The following PTPRT variants were observed in gnomAD, a reference collection of about 807,000 sequenced individuals.
PTPRT encodes receptor-type tyrosine-protein phosphatase T.
In PTPRT, 56 loss-of-function variants were observed where a neutral mutation model predicts 176.8. That is an observed-to-expected ratio of 0.32 (90% CI 0.26 to 0.40). The LOEUF is 0.40. PTPRT is among the 10% of genes least tolerant of loss of function. The probability of loss-of-function intolerance (pLI) is 1.00; values close to 1 mark genes in which losing one functional copy is unlikely to be tolerated. For synonymous variants in PTPRT, 783 were observed against 739.0 expected (o/e 1.06, Z -0.96); for missense variants, 1,540 against 1,908.2 (o/e 0.81, Z 3.60).
At chr20:42,600,408 G>A (rs534043739) in intron 7 of PTPRT, among the ~76,000 whole-genome samples, 2 of 152,254 alleles carry the variant, frequency 1.3e-5, no homozygotes, top group South Asian at 2.1e-4. Context: ...CCAAAGTGCT[G>A]GGATTACAGG....
At chr20:43,109,510 T>C (rs2012769403) in intron 1 of PTPRT, among the ~76,000 whole-genome samples, 1 of 152,150 alleles carries the variant, frequency 6.6e-6, no homozygotes, top group Non-Finnish European at 1.5e-5. Flanking sequence ...ACACTCAGTA[T>C]ACATTTTTTT....
chr20:42,186,447 C>T (rs1990787521), intron 16 of PTPRT, among the ~76,000 whole-genome samples: 1 of 151,646 alleles, frequency 6.6e-6, no homozygotes, highest in Non-Finnish European at 1.5e-5. Flanking sequence ...CATGCCATTG[C>T]TCTGTCTAGC....
intron 11 of PTPRT, among the ~76,000 whole-genome samples, chr20:42,339,533 G>A (rs1180208750): frequency 6.6e-6 from 1 of 152,120 alleles, no homozygotes; most frequent in Non-Finnish European, 1.5e-5. Flanking sequence ...GCAAATATTG[G>A]TGCCATAGAA....
chr20:42,390,340 AATTG>A (rs1238863309), intron 9 of PTPRT, among the ~76,000 whole-genome samples: 4 of 152,232 alleles, frequency 2.6e-5, no homozygotes, highest in East Asian at 1.9e-4. Context: ...TTGATTGATT[AATTG>A]ATTAAGGAAA....
At chr20:42,529,762 C>A (rs891531227) in intron 7 of PTPRT, among the ~76,000 whole-genome samples, 1 of 148,256 alleles carries the variant, frequency 6.7e-6, no homozygotes, top group African/African-American at 2.5e-5. Flanking sequence ...GCTGGGATTA[C>A]AGGGGTGAGC....
chr20:42,458,919 C>T (rs1332544980), intron 8 of PTPRT, among the ~76,000 whole-genome samples: 1 of 152,104 alleles, frequency 6.6e-6, no homozygotes, highest in East Asian at 1.9e-4. Flanking sequence ...AAAATCTTGT[C>T]TCTGTGGAAT....
chr20:42,071,125 C>T (rs1388750875), downstream of PTPRT, among the ~76,000 whole-genome samples: 1 of 152,146 alleles, frequency 6.6e-6, no homozygotes, highest in African/African-American at 2.4e-5. Flanking sequence ...ATCTAGGTTC[C>T]TCAGGCAGAA....
chr20:42,130,480 T>G (rs1010130305), intron 18 of PTPRT, among the ~76,000 whole-genome samples: 7 of 152,248 alleles, frequency 4.6e-5, no homozygotes, highest in African/African-American at 1.7e-4. Context: ...AATCTCCCAG[T>G]GCATGTCATT....
intron 1 of PTPRT, among the ~76,000 whole-genome samples, chr20:42,893,482 A>G (rs1418144588): frequency 6.6e-6 from 1 of 151,090 alleles, no homozygotes. Context: ...AACTAGAAAT[A>G]CCATTTGACC....
intron 1 of PTPRT, among the ~76,000 whole-genome samples, chr20:42,943,567 C>T (rs746959488): frequency 2.0e-5 from 3 of 152,140 alleles, no homozygotes; most frequent in Admixed American, 6.5e-5. Flanking sequence ...TGGAATGATG[C>T]AAATCAGGCA....
At chr20:42,707,536 G>A (rs1167807077) in intron 6 of PTPRT, among the ~76,000 whole-genome samples, 3 of 152,056 alleles carry the variant, frequency 2.0e-5, no homozygotes, top group Non-Finnish European at 4.4e-5. Context: ...GAAGATGAAG[G>A]AAGCACATGA....
intron 16 of PTPRT, among the ~76,000 whole-genome samples, chr20:42,166,571 T>C (rs1476298838): frequency 6.6e-6 from 1 of 152,210 alleles, no homozygotes; most frequent in African/African-American, 2.4e-5. Flanking sequence ...AAATCATGAA[T>C]GTGATGTGCT....
chr20:42,569,094 A>ATATATATAAAAT (rs2073106201), intron 7 of PTPRT, among the ~76,000 whole-genome samples: 1 of 115,750 alleles, frequency 8.6e-6, no homozygotes, highest in African/African-American at 3.2e-5. Flanking sequence ...ATATATATAT[A>ATATATATAAAAT]TATATATATA....
chr20:42,992,143 C>G (rs945181206), intron 1 of PTPRT, among the ~76,000 whole-genome samples: 14 of 152,116 alleles, frequency 9.2e-5, no homozygotes, highest in East Asian at 5.8e-4. Flanking sequence ...CCAATTTGGT[C>G]CCCAAGTCAT....
At position 42,618,424 on chromosome 20, in the gene PTPRT, TG is replaced by T. The variant is rs2074122879; in HGVS notation, c.1153+59441del. Among the ~76,000 whole-genome samples, 2 of 135,908 alleles carry T rather than the reference TG, an allele frequency of 1.5e-5. 1 individual carries two copies. Among genetic ancestry groups the T allele is most frequent in the African/African-American group, 6.6e-5 (2 of 30,440 alleles). The allele number at this position is 135,908 out of a possible 152,430, so 89.2% of individuals were successfully genotyped here. ...GAAAAAAATGTATATTCTGTTGATTTGGGGTGGAGAGTTCTGTAGATGTCTA... is the reference window on the plus strand; with the variant it reads ...GAAAAAAATGTATATTCTGTTGATTTGGGTGGAGAGTTCTGTAGATGTCTA... On this transcript the variant is annotated intron_variant, in intron 7 of 30. Transcript: ENST00000373187.
chr20:42,360,650 C>G (rs1232868666), intron 9 of PTPRT, among the ~76,000 whole-genome samples: 2 of 152,220 alleles, frequency 1.3e-5, no homozygotes, highest in Non-Finnish European at 1.5e-5. Flanking sequence ...GAGCTGCTTG[C>G]CTTCCAACTT....
intron 15 of PTPRT, among the ~76,000 whole-genome samples, chr20:42,235,302 G>T (rs1282929550): frequency 6.6e-6 from 1 of 151,672 alleles, no homozygotes; most frequent in Admixed American, 6.6e-5. Context: ...TGCTCTTGTT[G>T]CCCAGGCTGG....
chr20:42,897,398 G>T (rs1355145948), intron 1 of PTPRT, among the ~76,000 whole-genome samples: 1 of 152,194 alleles, frequency 6.6e-6, no homozygotes, highest in Non-Finnish European at 1.5e-5. Context: ...AAAGGTGGAA[G>T]TTAGCCAAGG....
At chr20:42,517,497 T>C (rs2072090768) in intron 7 of PTPRT, among the ~76,000 whole-genome samples, 2 of 152,114 alleles carry the variant, frequency 1.3e-5, no homozygotes, top group East Asian at 1.9e-4. Context: ...ATGCATTCCA[T>C]TTAATTAATT....
Sources: gnomAD v4.1 joint callset for allele counts (sites outside exome capture counted in the v4.1 genomes callset) on GRCh38, gnomAD v4.1.1 for gene constraint, MANE v1.5 for transcripts, NCBI Gene and HGNC (gene_info 2026-07-23, HGNC 2026-07-21) for gene names.